The following TRIM3 variants were observed in gnomAD, a reference collection of about 807,000 sequenced individuals.
The protein encoded by TRIM3 is tripartite motif-containing protein 3.
A neutral mutation model predicts 66.6 loss-of-function variants in TRIM3; 13 were observed. The ratio of observed to expected loss-of-function variants is 0.20; its 90% CI spans 0.13 to 0.31. The LOEUF is 0.31. Ranked by LOEUF, TRIM3 falls within the 10% of genes least tolerant of loss-of-function variation. TRIM3 has a pLI of 1.00. For synonymous variants in TRIM3, 406 were observed against 411.7 expected, an observed-to-expected ratio of 0.99 and a Z score of 0.17; for missense variants, 711 against 1,020.4, an observed-to-expected ratio of 0.70 and a Z score of 4.13.
intron 2 of TRIM3, among the ~76,000 whole-genome samples, chr11:6,460,898 C>CTTTTTTT (rs771919613): frequency 1.8e-4 from 13 of 74,280 alleles, no homozygotes; most frequent in East Asian, 8.2e-4. Flanking sequence ...TTTTTGGTGG[C>CTTTTTTT]TTTTTTTTTT....
rs1315484907 is a variant in TRIM3 at position 6,456,846 on chromosome 11, C to T, written c.880G>A (p.Ala294Thr). 6.2e-7 allele frequency: 1 copy of T among 1,612,958 alleles called. No homozygotes were observed. The highest frequency in any genetic ancestry group is 8.5e-7 in the Non-Finnish European group (1 of 1,179,984). The change falls in exon 6 of 12, where the codon GCA becomes ACA. Residue 294 changes from alanine (A) to threonine (T), a missense_variant. Transcript: ENST00000345851. This position sits in a 1 kb window ranked among gnomAD's most constrained non-coding sequence, Gnocchi z 6.4. ...ACCTCAAGGACCAGTTCCAGCTGTGCATTCTCATGTGGCCGCTCCGGGAAG... is the reference window on the plus strand; with the variant it reads ...ACCTCAAGGACCAGTTCCAGCTGTGTATTCTCATGTGGCCGCTCCGGGAAG... ...QAFPERPHEN[A>T]QLELVLEVDG... is the part of the protein sequence containing the mutation.
At chr11:6,471,207 CAT>C (rs536813800) in intron 1 of TRIM3, among the ~76,000 whole-genome samples, 2 of 152,240 alleles carry the variant, frequency 1.3e-5, no homozygotes, top group Non-Finnish European at 2.9e-5. Flanking sequence ...TCCCAGTACA[CAT>C]GAGTTACACA....
rs548458216 is a variant in TRIM3, at chr11:6,450,157, G to A, written c.1941+394C>T. On this transcript the variant is annotated intron_variant, in intron 10 of 11. Transcript: ENST00000345851. This position sits in a 1 kb window ranked among gnomAD's most constrained non-coding sequence, Gnocchi z 4.8. ...TGTGTCTTTTGTCTCAAACACTCTC[G>A]TCCTCCTCTGCCTTCCATTTAATTC... 1.1e-5 allele frequency: 2 copies of A among 184,160 alleles called. No homozygotes were observed. The highest frequency in any genetic ancestry group is 1.1e-5 in the Non-Finnish European group (1 of 88,604). The allele number at this position is 184,160 out of a possible 1,614,324, so 11.4% of individuals were successfully genotyped here.
chr11:6,456,615 C>T lies in TRIM3; in HGVS notation c.1111G>A (p.Gly371Ser), dbSNP rs1849997511. ...ELRAEITGPD[G>S]TRLPVPVVDH... ...ACCACTGGCACCGGAAGGCGCGTGC[C>T]GTCCGGGCCGGTGATCTCTGCACGC... The change falls in exon 6 of 12, where the codon GGC becomes AGC. Residue 371 changes from glycine (G) to serine (S), a missense_variant. Physicochemically the swap from Gly to Ser is moderately conservative, Grantham distance 56. Coordinates refer to ENST00000345851, the MANE Select transcript of TRIM3 (RefSeq NM_033278.4). This position sits in a 1 kb window ranked among gnomAD's most constrained non-coding sequence, Gnocchi z 6.4. The T allele has an allele frequency of 1.9e-6, 3 of 1,612,702 alleles. No homozygotes were observed. The highest frequency in any genetic ancestry group is 1.1e-5 in the South Asian group (1 of 91,066).
Position 6,448,940 on chromosome 11 carries a change from C to A in TRIM3, c.*88G>T. The A allele has an allele frequency of 6.5e-7, 1 of 1,547,102 alleles. No homozygotes were observed. The highest frequency in any genetic ancestry group is 1.2e-5 in the South Asian group (1 of 86,226). Reference sequence around the variant, plus strand: ...TGCCCACAGCCCACATTCAGTGCTGCCAGGTCTGGCCCACCTCCCAGCCAG... The same window carrying A: ...TGCCCACAGCCCACATTCAGTGCTGACAGGTCTGGCCCACCTCCCAGCCAG... On this transcript the variant is annotated 3_prime_UTR_variant, in exon 12 of 12. Coordinates refer to ENST00000345851, the MANE Select transcript of TRIM3 (RefSeq NM_033278.4).
In TRIM3 at chr11:6,456,696, T is replaced by C. The variant is rs1265715648; in HGVS notation, c.1030A>G (p.Thr344Ala). Residue 344 changes from threonine to alanine, a missense_variant, in exon 6 of 12, where the codon ACT becomes GCT. Around this residue, in one of 3 missense-constraint regions of TRIM3, gnomAD observed 399 missense variants for 458.1 expected, o/e 0.87. Coordinates refer to ENST00000345851, the MANE Select transcript of TRIM3 (RefSeq NM_033278.4). The surrounding 1 kb of genome is among the most constrained non-coding windows in gnomAD (Gnocchi z 6.4). ...QALVGQPASL[T>A]VTTKDKDGRL... ...CCGTCCTTGTCTTTGGTAGTGACAG[T>C]GAGCGAGGCAGGCTGGCCCACTAGC... The C allele has an allele frequency of 6.2e-7, 1 of 1,606,320 alleles. No individual in the cohort carries two copies. Among genetic ancestry groups the C allele is most frequent in the Non-Finnish European group, 8.5e-7 (1 of 1,176,604 alleles).
rs767391489 is a variant in TRIM3, at chr11:6,449,552, C to T, written c.1942-106G>A. The T allele has an allele frequency of 2.7e-6, 3 of 1,097,712 alleles. No individual in the cohort carries two copies. In the South Asian group the frequency reaches 4.9e-5, roughly 18 times the overall value. 68.0% of individuals were successfully genotyped at this position (1,097,712 alleles called of 1,614,324 possible). A position where few individuals can be genotyped will look rare whatever the true frequency, so the allele number is the denominator to read the frequency against. Reference sequence around the variant, plus strand: ...CAGGGCTGAGAACCCCCACCCAGATCTACAGCTACAGCCCAAATCTGCTTC... The same window carrying T: ...CAGGGCTGAGAACCCCCACCCAGATTTACAGCTACAGCCCAAATCTGCTTC... On this transcript the variant is annotated intron_variant, in intron 10 of 11. Coordinates refer to ENST00000345851, the MANE Select transcript of TRIM3 (RefSeq NM_033278.4). The surrounding 1 kb of genome is among the most constrained non-coding windows in gnomAD (Gnocchi z 5.3).
At chr11:6,454,097 G>A (rs7950251) in intron 7 of TRIM3, among the ~76,000 whole-genome samples, 9,829 of 152,248 alleles carry the variant, frequency 0.065, 806 homozygotes, top group African/African-American at 0.18. Context: ...ACAATGGGGA[G>A]GCCAGGTGCA....
chr11:6,469,942 C>T (rs193069514), intron 1 of TRIM3, among the ~76,000 whole-genome samples: 2 of 152,200 alleles, frequency 1.3e-5, no homozygotes, highest in African/African-American at 2.4e-5. Context: ...CATCAGGAGG[C>T]TGAATCAGAC....
intron 2 of TRIM3, among the ~76,000 whole-genome samples, chr11:6,463,427 G>C (rs1428699270): frequency 6.6e-6 from 1 of 152,184 alleles, no homozygotes; most frequent in Non-Finnish European, 1.5e-5. Flanking sequence ...TTTTCTCCAG[G>C]AGTGCTCAGT....
chr11:6,460,325 G>C (rs1850171601), intron 2 of TRIM3, among the ~76,000 whole-genome samples: 1 of 152,196 alleles, frequency 6.6e-6, no homozygotes, highest in African/African-American at 2.4e-5. Context: ...AGGGGAGCTT[G>C]AAAGTTCCAA....
Position 6,450,368 on chromosome 11 carries a change from A to G in TRIM3, c.1941+183T>C. The G allele has an allele frequency of 1.6e-6, 1 of 614,416 alleles. No homozygotes were observed. Among genetic ancestry groups the G allele is most frequent in the Admixed American group, 2.8e-5 (1 of 35,196 alleles). The allele number at this position is 614,416 out of a possible 1,614,324, so 38.1% of individuals were successfully genotyped here. The stretch of plus-strand genomic sequence containing the variant: ...GACACAGAATACATTTGCTTTGTGC[A>G]TCACTGTATCTCCAGCTTCTAGCAT... On this transcript the variant is annotated intron_variant, in intron 10 of 11. Transcript: ENST00000345851. This position sits in a 1 kb window ranked among gnomAD's most constrained non-coding sequence, Gnocchi z 4.8.
In TRIM3 at chr11:6,449,456, G is replaced by T. The variant is rs1849629327; in HGVS notation, c.1942-10C>A. The T allele has an allele frequency of 1.2e-6, 2 of 1,611,842 alleles. No individual in the cohort carries two copies. On this transcript the variant is annotated splice_polypyrimidine_tract_variant and intron_variant, in intron 10 of 11. Transcript: ENST00000345851. The surrounding 1 kb of genome is among the most constrained non-coding windows in gnomAD (Gnocchi z 5.3). ...CATCGGCACTGTACACCTGGCGGGG[G>T]AAGGGGCTAGGGACTGGGGACCTGG... is the stretch of plus-strand genomic sequence containing the variant.
At chr11:6,462,250 C>T (rs1050874601) in intron 2 of TRIM3, among the ~76,000 whole-genome samples, 5 of 152,092 alleles carry the variant, frequency 3.3e-5, no homozygotes, top group South Asian at 2.1e-4. Flanking sequence ...TTCTTGATTG[C>T]TTACTGTCAG....
Position 6,456,896 on chromosome 11 carries a change from C to G in TRIM3, c.830G>C (p.Arg277Pro). 2 of 1,612,462 alleles carry G rather than the reference C, an allele frequency of 1.2e-6. No homozygotes were observed. Among genetic ancestry groups the G allele is most frequent in the Non-Finnish European group, 1.7e-6 (2 of 1,179,972 alleles). Residue 277 changes from arginine to proline, a missense_variant, in exon 6 of 12, where the codon CGG becomes CCG. Physicochemically the swap from Arg to Pro is moderately radical, Grantham distance 103 (BLOSUM62 -2). This residue lies in a region of TRIM3 where 399 missense variants were observed against 458.1 expected (regional missense o/e 0.87). Coordinates refer to ENST00000345851, the MANE Select transcript of TRIM3 (RefSeq NM_033278.4). This position sits in a 1 kb window ranked among gnomAD's most constrained non-coding sequence, Gnocchi z 6.4. ...GGCCTGTGCCGCCAATGCAGCCAGC[C>G]GCTCTCGCATGTGCTTGCGCACCAG... ...VLLVRKHMRE[R>P]LAALAAQAFP... is the part of the protein sequence containing the mutation.
At chr11:6,472,125 TAG>T (rs1440240065) in intron 1 of TRIM3, among the ~76,000 whole-genome samples, 1 of 152,188 alleles carries the variant, frequency 6.6e-6, no homozygotes, top group Non-Finnish European at 1.5e-5. Flanking sequence ...GAAATTTGGC[TAG>T]GTTTAAAAAG....
At chr11:6,454,709 A>G (rs16913732) in intron 7 of TRIM3, among the ~76,000 whole-genome samples, 1 of 151,892 alleles carries the variant, frequency 6.6e-6, no homozygotes, top group African/African-American at 2.4e-5. Context: ...ATAGGGTAGG[A>G]GTAAAGGACG....
At chr11:6,466,118 T>C (rs962867164) in intron 1 of TRIM3, among the ~76,000 whole-genome samples, 2 of 152,200 alleles carry the variant, frequency 1.3e-5, no homozygotes, top group Non-Finnish European at 2.9e-5. Context: ...TCATCTCCTC[T>C]ACCTCCCCCA....
At chr11:6,464,814 C>A (rs1382040483) in intron 2 of TRIM3, among the ~76,000 whole-genome samples, 4 of 151,932 alleles carry the variant, frequency 2.6e-5, no homozygotes, top group African/African-American at 9.7e-5. Context: ...CGGTGAAACC[C>A]CATCTGTAAT....
Sources: allele counts gnomAD v4.1 joint callset (sites outside exome capture counted in the v4.1 genomes callset), GRCh38; gene constraint gnomAD v4.1.1; regional missense constraint gnomAD v4.1.1; non-coding constraint Gnocchi (gnomAD v3.1); transcripts MANE v1.5; gene names NCBI Gene and HGNC (gene_info 2026-07-23, HGNC 2026-07-21).